MAOB: variants seen among roughly 807,000 people sequenced by gnomAD.
MAOB encodes the protein amine oxidase [flavin-containing] B.
A neutral mutation model predicts 41.9 loss-of-function variants in MAOB; 15 were observed. The ratio of observed to expected loss-of-function variants is 0.36; its 90% confidence interval spans 0.24 to 0.55. MAOB has a LOEUF of 0.55. Among genes scored for constraint, MAOB ranks in the 20% least tolerant of loss-of-function variants. The pLI, the probability that MAOB is intolerant of heterozygous loss-of-function variation, is 0.86. For missense variants in MAOB, 345 were observed against 398.7 expected (o/e 0.87, Z 1.15); for synonymous variants, 167 against 144.2 (o/e 1.16, Z -1.13).
chrX:43,860,261 A>G (rs748133160), intron 1 of MAOB, among the ~76,000 whole-genome samples: 1 of 112,150 alleles, frequency 8.9e-6, no homozygotes, highest in East Asian at 2.8e-4. Context: ...TTGAAACTTC[A>G]GACTTGATAT....
intron 1 of MAOB, among the ~76,000 whole-genome samples, chrX:43,864,707 T>C (rs1339873592): frequency 9.0e-6 from 1 of 111,592 alleles, no homozygotes; most frequent in Non-Finnish European, 1.9e-5. Context: ...GGTACATGGA[T>C]GCTCTACTTA....
chrX:43,852,821 A>T (rs921088149), intron 1 of MAOB, among the ~76,000 whole-genome samples: 2 of 111,734 alleles, frequency 1.8e-5, no homozygotes, highest in African/African-American at 6.5e-5. Flanking sequence ...CAATTTGGTC[A>T]ATGTGGCTAA....
At chrX:43,798,860 A>G (rs1425423772) in intron 5 of MAOB, among the ~76,000 whole-genome samples, 1 of 111,842 alleles carries the variant, frequency 8.9e-6, no homozygotes, top group Non-Finnish European at 1.9e-5. Context: ...AACCGTATCA[A>G]ATATCTATTA....
intron 10 of MAOB, 77 bp from the exon 11 acceptor site, chrX:43,778,816 C>T: frequency 1.3e-6 from 1 of 763,422 alleles, no homozygotes; most frequent in East Asian, 3.3e-5. Flanking sequence ...AGGCATTTAT[C>T]CCCTCATAAA....
At chrX:43,815,941 T>A (rs1298972562) in intron 3 of MAOB, among the ~76,000 whole-genome samples, 2 of 111,612 alleles carry the variant, frequency 1.8e-5, no homozygotes, top group Non-Finnish European at 3.8e-5. Context: ...TAAATTACAG[T>A]TCCTTAATCG....
chrX:43,875,303 T>C (rs749477903), intron 1 of MAOB, among the ~76,000 whole-genome samples: 1 of 111,710 alleles, frequency 9.0e-6, no homozygotes, highest in Non-Finnish European at 1.9e-5. Flanking sequence ...TCTCTAAATG[T>C]GCTTTTTCTT....
At chrX:43,833,012 G>C (rs2035035295) in intron 3 of MAOB, among the ~76,000 whole-genome samples, 1 of 110,864 alleles carries the variant, frequency 9.0e-6, no homozygotes, top group African/African-American at 3.3e-5. Context: ...AGGCGGGCCA[G>C]GTGGGTGCTG....
intron 1 of MAOB, among the ~76,000 whole-genome samples, chrX:43,863,245 TAAC>T (rs912112936): frequency 8.9e-6 from 1 of 112,267 alleles, no homozygotes; most frequent in Non-Finnish European, 1.9e-5. Flanking sequence ...TCATTTATAA[TAAC>T]AACACACACA....
chrX:43,848,195 C>A (rs2035223553), intron 1 of MAOB, among the ~76,000 whole-genome samples: 2 of 111,559 alleles, frequency 1.8e-5, no homozygotes, highest in Admixed American at 1.9e-4. Flanking sequence ...TTTACAGTGT[C>A]TTAAGGGCAG....
chrX:43,859,611 A>C (rs1265264520), intron 1 of MAOB, among the ~76,000 whole-genome samples: 1 of 111,230 alleles, frequency 9.0e-6, no homozygotes, highest in Non-Finnish European at 1.9e-5. Flanking sequence ...GTGAAGTTTT[A>C]CCTCCTATGA....
chrX:43,818,865 A>G (rs1408603178), intron 3 of MAOB, among the ~76,000 whole-genome samples: 2 of 112,266 alleles, frequency 1.8e-5, no homozygotes, highest in African/African-American at 6.5e-5. Context: ...GTCCATGAAA[A>G]CAGAGATTTA....
chrX:43,857,642 C>T (rs12012179), intron 1 of MAOB, among the ~76,000 whole-genome samples: 1,347 of 111,398 alleles, frequency 0.012, 25 homozygotes, highest in African/African-American at 0.042. Flanking sequence ...GAATTTCCTC[C>T]CCAATTTCTT....
At chrX:43,874,375 C>T (rs181113582) in intron 1 of MAOB, among the ~76,000 whole-genome samples, 175 of 111,515 alleles carry the variant, frequency 1.6e-3, no homozygotes, top group Middle Eastern at 0.014. Flanking sequence ...TCTCTTGAAA[C>T]CTCCCTTGGG....
chrX:43,882,216 C>A lies in MAOB; in HGVS notation c.46+38G>T, dbSNP rs200912708. The A allele has an allele frequency of 2.2e-5, 26 of 1,203,144 alleles. No homozygotes were observed. The East Asian group carries it at 6.9e-4, about 32-fold the overall frequency. On this transcript the variant is annotated intron_variant, in intron 1 of 14. Transcript: ENST00000378069. ...TCCCCCAGGCAGCCACCTGTCCGAG[C>A]GCGTGAAGAGGAAGGAGGGCGCACA...
chrX:43,781,827 G>A (rs1280359902), intron 8 of MAOB, among the ~76,000 whole-genome samples: 1 of 112,002 alleles, frequency 8.9e-6, no homozygotes, highest in East Asian at 2.8e-4. Flanking sequence ...TCTCCTTGCA[G>A]TTAATACTTG....
At chrX:43,781,243 A>G (rs1443154971) in intron 9 of MAOB, among the ~76,000 whole-genome samples, 1 of 112,085 alleles carries the variant, frequency 8.9e-6, no homozygotes, top group African/African-American at 3.2e-5. Flanking sequence ...TGTTATTGGT[A>G]TTCTGCTTCC....
intron 10 of MAOB, among the ~76,000 whole-genome samples, chrX:43,778,953 G>T (rs1413360639): frequency 9.0e-6 from 1 of 111,660 alleles, no homozygotes; most frequent in Non-Finnish European, 1.9e-5. Flanking sequence ...AGGATTGCTG[G>T]TAAGTCTTTA....
At chrX:43,873,708 G>C (rs144817301) in intron 1 of MAOB, among the ~76,000 whole-genome samples, 4,624 of 111,300 alleles carry the variant, frequency 0.042, 172 homozygotes, top group South Asian at 0.17. Flanking sequence ...GATGGAGTCT[G>C]TCTCTGTCGC....
chrX:43,870,719 C>T lies in MAOB; in HGVS notation c.46+11535G>A, dbSNP rs770740842. Among the ~76,000 whole-genome samples the T allele has an allele frequency of 2.2e-3, 214 of 97,359 alleles. 1 individual carries two copies. The highest frequency in any genetic ancestry group is 3.4e-3 in the Non-Finnish European group (170 of 49,696). The allele number at this position is 97,359 out of a possible 115,157, so 84.5% of individuals were successfully genotyped here. ...CTGAGGCAGGAGAATGGCATGAACC[C>T]GGGAGGCGGAGCTTGCAGTGAGCCA... On this transcript the variant is annotated intron_variant, in intron 1 of 14. Transcript: ENST00000378069.
Sources: allele counts gnomAD v4.1 joint callset (sites outside exome capture counted in the v4.1 genomes callset), GRCh38; gene constraint gnomAD v4.1.1; transcripts MANE v1.5; gene names NCBI Gene and HGNC (gene_info 2026-07-23, HGNC 2026-07-21).